SYNRG: variants seen among roughly 807,000 people sequenced by gnomAD.
SYNRG encodes the protein synergin gamma.
Under a neutral mutation model 130.9 loss-of-function variants are expected in SYNRG, and 37 were observed. The ratio of observed to expected loss-of-function variants is 0.28; its 90% CI spans 0.22 to 0.37. The LOEUF (loss-of-function observed/expected upper bound fraction) is 0.37, where lower values mean the gene tolerates loss of function less well. SYNRG is among the 10% of genes least tolerant of loss of function. The pLI, the probability that SYNRG is intolerant of heterozygous loss-of-function variation, is 1.00. For synonymous variants in SYNRG, 539 were observed against 568.1 expected, an observed-to-expected ratio of 0.95 and a Z score of 0.73; for missense variants, 1,338 against 1,588.9, an observed-to-expected ratio of 0.84 and a Z score of 2.68.
chr17:37,540,630 CT>C (rs767724523), intron 15 of SYNRG, 87 bp from the exon 16 acceptor site: 131,530 of 687,108 alleles, frequency 0.19, 3 homozygotes, highest in Middle Eastern at 0.21. Flanking sequence ...CAACCCTCTT[CT>C]TTTTTTTTTT....
intron 15 of SYNRG, chr17:37,541,220 TCA>T: frequency 1.0e-6 from 1 of 985,438 alleles, no homozygotes; most frequent in Non-Finnish European, 1.2e-6. Flanking sequence ...CCGAGTTCCT[TCA>T]CAGTCTCTCA....
At chr17:37,597,901 C>T (rs1435783021) in intron 2 of SYNRG, among the ~76,000 whole-genome samples, 2 of 152,146 alleles carry the variant, frequency 1.3e-5, no homozygotes, top group South Asian at 2.1e-4. Context: ...ATCAAACTGT[C>T]AGTTTGAAAA....
At position 37,538,404 on chromosome 17, in the gene SYNRG, T is replaced by C. The variant is rs757031906; in HGVS notation, c.3437A>G (p.Asn1146Ser). 7 of 1,608,816 alleles carry C rather than the reference T, an allele frequency of 4.4e-6. No homozygotes were observed. Among genetic ancestry groups the C allele is most frequent in the South Asian group, 2.2e-5 (2 of 89,498 alleles). ...GSALNVIKKA[N>S]DTLNGISSSS... Reference sequence around the variant, plus strand: ...ACTACTGATTCCATTTAAGGTATCATTTGCCTTCTTAATGACCTACAAGAA... The same window carrying C: ...ACTACTGATTCCATTTAAGGTATCACTTGCCTTCTTAATGACCTACAAGAA... Residue 1146 changes from asparagine (N) to serine (S), a missense_variant, in exon 18 of 22, where the codon AAT becomes AGT. Around this residue, in one of 3 missense-constraint regions of SYNRG, gnomAD observed 1,146 missense variants for 1,342.3 expected, o/e 0.85. Coordinates refer to ENST00000612223, the MANE Select transcript of SYNRG (RefSeq NM_007247.6).
intron 19 of SYNRG, among the ~76,000 whole-genome samples, chr17:37,529,495 A>G (rs543146577): frequency 1.3e-5 from 2 of 151,318 alleles, no homozygotes; most frequent in South Asian, 4.2e-4. Flanking sequence ...TGAGTGGTAC[A>G]ACCAAGATTT....
At position 37,538,375 on chromosome 17, in the gene SYNRG, A is replaced by AACT; in HGVS notation, c.3463_3465dup (p.Ser1156dup). On this transcript the variant is annotated inframe_insertion, in exon 18 of 22. Transcript: ENST00000612223. ...GACTGAATTACTTCTGTGCAAACAG[A>AACT]ACTACTACTGATTCCATTTAAGGTA... is the stretch of plus-strand genomic sequence containing the variant. 6.2e-7 allele frequency: 1 copy of AACT among 1,611,930 alleles called. No homozygotes were observed. The highest frequency in any genetic ancestry group is 2.2e-5 in the East Asian group (1 of 44,780).
In SYNRG at chr17:37,518,782, G is replaced by A; in HGVS notation, c.*158C>T. The stretch of plus-strand genomic sequence containing the variant: ...GGACAATTTTACCTGAAGTCCTGCA[G>A]ACTGGCCGTGGGGATGACGGGGGCC... On this transcript the variant is annotated 3_prime_UTR_variant, in exon 22 of 22. Coordinates refer to ENST00000612223, the MANE Select transcript of SYNRG (RefSeq NM_007247.6). 1.1e-6 allele frequency: 1 copy of A among 920,820 alleles called. No homozygotes were observed. The highest frequency in any genetic ancestry group is 3.7e-4 in the Middle Eastern group (1 of 2,704). 57.0% of individuals were successfully genotyped at this position (920,820 alleles called of 1,614,324 possible).
intron 6 of SYNRG, among the ~76,000 whole-genome samples, chr17:37,583,482 T>G (rs1370128438): frequency 5.3e-5 from 8 of 152,114 alleles, no homozygotes; most frequent in Admixed American, 5.2e-4. Context: ...CCCGGAAAAA[T>G]CAAGAACTGG....
intron 3 of SYNRG, among the ~76,000 whole-genome samples, chr17:37,587,082 T>A (rs1243167913): frequency 6.6e-6 from 1 of 152,178 alleles, no homozygotes; most frequent in African/African-American, 2.4e-5. Flanking sequence ...AAAAATTACA[T>A]AATATTATAA....
Position 37,520,203 on chromosome 17 carries a change from C to T in SYNRG, c.3789G>A (p.Lys1263=), listed in dbSNP as rs1899929657. ...NVDSRSRKEE[K]PAEEHPKKAF... is the part of the protein sequence containing the mutation. ...CTTTTTTAGGATGTTCTTCTGCAGGCTTCTCTTCTTTCTGAAATAACGTTG... is the reference window on the plus strand; with the variant it reads ...CTTTTTTAGGATGTTCTTCTGCAGGTTTCTCTTCTTTCTGAAATAACGTTG... The change falls in exon 21 of 22, where the codon AAG becomes AAA. Residue 1263 remains lysine, a synonymous_variant. Coordinates refer to ENST00000612223, the MANE Select transcript of SYNRG (RefSeq NM_007247.6). 1 of 1,614,076 alleles carries T rather than the reference C, an allele frequency of 6.2e-7. No individual in the cohort carries two copies. The highest frequency in any genetic ancestry group is 1.3e-5 in the African/African-American group (1 of 74,914).
intron 6 of SYNRG, 82 bp from the exon 7 acceptor site, chr17:37,577,695 C>CTTTTTTTTTTTT (rs34008016): frequency 1.9e-6 from 1 of 514,042 alleles, no homozygotes; most frequent in Non-Finnish European, 3.1e-6. Flanking sequence ...CCCCCATATT[C>CTTTTTTTTTTTT]TTTTTTTTTT....
intron 19 of SYNRG, among the ~76,000 whole-genome samples, chr17:37,526,575 G>A (rs150374154): frequency 9.2e-5 from 14 of 152,304 alleles, no homozygotes; most frequent in African/African-American, 2.9e-4. Context: ...TCTAAAATGG[G>A]TGAGAAGGAC....
intron 2 of SYNRG, among the ~76,000 whole-genome samples, chr17:37,596,755 G>A (rs2062811258): frequency 6.6e-6 from 1 of 151,858 alleles, no homozygotes; most frequent in Non-Finnish European, 1.5e-5. Flanking sequence ...ATGTAACTTC[G>A]AAGGCTAGTT....
In SYNRG at chr17:37,550,194, T is replaced by C. The variant is rs73984263; in HGVS notation, c.2608+2921A>G. 5.0e-3 allele frequency among the ~76,000 whole-genome samples: 766 copies of C among 152,314 alleles called. 11 individuals are homozygous for C. The highest frequency in any genetic ancestry group is 0.018 in the African/African-American group (742 of 41,556). ...TCTCTACAATAAAATATGATCAGTT[T>C]CTTCAAGAGAAGAAACTGCAATAAA... On this transcript the variant is annotated intron_variant, in intron 14 of 21. Coordinates refer to ENST00000612223, the MANE Select transcript of SYNRG (RefSeq NM_007247.6).
chr17:37,591,275 G>A (rs1401484522), intron 3 of SYNRG, among the ~76,000 whole-genome samples: 1 of 152,126 alleles, frequency 6.6e-6, no homozygotes, highest in South Asian at 2.1e-4. Context: ...ACATGGATGT[G>A]ACTTTTATGC....
intron 1 of SYNRG, among the ~76,000 whole-genome samples, chr17:37,606,879 T>G (rs1292808893): frequency 6.6e-6 from 1 of 152,164 alleles, no homozygotes; most frequent in Non-Finnish European, 1.5e-5. Context: ...GTAGAGAAGT[T>G]GCCTGTTTTT....
At position 37,515,026 on chromosome 17, in the gene SYNRG, G is replaced by A. The variant is rs1025885791; in HGVS notation, c.*3914C>T. 6.6e-6 allele frequency: 1 copy of A among 152,216 alleles called. No individual in the cohort carries two copies. Among genetic ancestry groups the A allele is most frequent in the Non-Finnish European group, 1.5e-5 (1 of 68,054 alleles). 9.4% of individuals were successfully genotyped at this position (152,216 alleles called of 1,614,324 possible). A position where few individuals can be genotyped will look rare whatever the true frequency, so the allele number is the denominator to read the frequency against. ...ACAACGCATTTCGCTAAGGGCCACAGCATTCACTGGTTAATAAAGCCACAG... is the reference window on the plus strand; with the variant it reads ...ACAACGCATTTCGCTAAGGGCCACAACATTCACTGGTTAATAAAGCCACAG... On this transcript the variant is annotated 3_prime_UTR_variant, in exon 22 of 22. Coordinates refer to ENST00000612223, the MANE Select transcript of SYNRG (RefSeq NM_007247.6).
Position 37,542,251 on chromosome 17 carries a change from T to C in SYNRG, c.2923A>G (p.Ser975Gly), listed in dbSNP as rs1189160154. 1.2e-6 allele frequency: 2 copies of C among 1,614,132 alleles called. No homozygotes were observed. The highest frequency in any genetic ancestry group is 1.7e-6 in the Non-Finnish European group (2 of 1,180,060). Residue 975 changes from serine to glycine, a missense_variant, in exon 15 of 22, where the codon AGT becomes GGT. Physicochemically the swap from Ser to Gly is moderately conservative, Grantham distance 56. This residue lies in a region of SYNRG where 1,146 missense variants were observed against 1,342.3 expected (regional missense o/e 0.85). Transcript: ENST00000612223. The part of the protein sequence containing the change: ...ASFKDTIPQT[S>G]EQKEYENRDY... The stretch of plus-strand genomic sequence containing the variant: ...CTGTTTTCATATTCCTTTTGCTCAC[T>C]GGTCTGAGGAATCGTGTCTTTAAAA...
At chr17:37,577,248 T>TTAAATA (rs2060909163) in intron 7 of SYNRG, 132 bp downstream of exon 7, 1 of 767,708 alleles carries the variant, frequency 1.3e-6, no homozygotes, top group South Asian at 1.7e-5. Context: ...AAGGAATGCA[T>TTAAATA]TAAATATATT....
chr17:37,584,892 C>A, intron 5 of SYNRG, 133 bp from the exon 6 acceptor site: 1 of 653,522 alleles, frequency 1.5e-6, no homozygotes, highest in South Asian at 2.2e-5. Flanking sequence ...AATGAATTAT[C>A]CAAGTCAGCA....
Sources: gnomAD v4.1 joint callset for allele counts (sites outside exome capture counted in the v4.1 genomes callset) on GRCh38, gnomAD v4.1.1 for gene constraint, gnomAD v4.1.1 regional missense constraint, MANE v1.5 for transcripts, NCBI Gene and HGNC (gene_info 2026-07-23, HGNC 2026-07-21) for gene names.